DENND1A: variants seen among roughly 807,000 people sequenced by gnomAD.
The protein encoded by DENND1A is DENN domain containing 1A, also known as DENN domain-containing protein 1A.
Under a neutral mutation model 113.7 loss-of-function variants are expected in DENND1A, and 51 were observed. That is an observed-to-expected ratio of 0.45 (90% CI 0.36 to 0.57). The LOEUF (loss-of-function observed/expected upper bound fraction) is 0.57. Ranked by LOEUF, DENND1A falls within the 20% of genes least tolerant of loss-of-function variation. DENND1A has a pLI of 0.00. For missense variants in DENND1A, 1,258 were observed against 1,395.9 expected, an observed-to-expected ratio of 0.90 and a Z score of 1.57; for synonymous variants, 565 against 570.8, an observed-to-expected ratio of 0.99 and a Z score of 0.14.
chr9:123,916,944 C>T (rs982607503), intron 1 of DENND1A, among the ~76,000 whole-genome samples: 5 of 152,064 alleles, frequency 3.3e-5, no homozygotes, highest in South Asian at 4.1e-4. Context: ...AATCCCAGCA[C>T]TTTGGGAGGC....
chr9:123,503,190 G>A (rs1411111525), intron 13 of DENND1A, among the ~76,000 whole-genome samples: 1 of 152,192 alleles, frequency 6.6e-6, no homozygotes, highest in Non-Finnish European at 1.5e-5. Context: ...GGACTTAGGA[G>A]TTAGTCAGAT....
chr9:123,630,382 T>C lies in DENND1A; in HGVS notation c.713A>G (p.Tyr238Cys), dbSNP rs1041958656. Residue 238 changes from tyrosine (Y) to cysteine (C), a missense_variant, in exon 10 of 24, where the codon TAC (tyrosine) becomes TGC (cysteine). Coordinates refer to ENST00000394215, the MANE Select transcript of DENND1A (RefSeq NM_001352964.2). ...ACAGGGCCAGCCACCTTACCAGCAG[T>C]AGTCCAGCAGATGCGGCGGCAGCAC... Reference protein sequence around the residue: ...IPVLPPHLLDYCCAPMPYLIG... With the variant: ...IPVLPPHLLDCCCAPMPYLIG... The C allele has an allele frequency of 6.3e-7, 1 of 1,593,494 alleles. No individual in the cohort carries two copies. The highest frequency in any genetic ancestry group is 1.3e-5 in the African/African-American group (1 of 74,508).
At chr9:123,443,320 C>T (rs998243382) in intron 18 of DENND1A, among the ~76,000 whole-genome samples, 2 of 152,232 alleles carry the variant, frequency 1.3e-5, no homozygotes, top group African/African-American at 4.8e-5. Flanking sequence ...ATGCTTAGCA[C>T]TATCTTATTT....
In DENND1A at chr9:123,557,506, C is replaced by T. The variant is rs1196020238; in HGVS notation, c.993+64G>A. 5 of 1,584,996 alleles carry T rather than the reference C, an allele frequency of 3.2e-6. No individual in the cohort carries two copies. In the East Asian group the frequency reaches 6.8e-5, roughly 21 times the overall value. On this transcript the variant is annotated intron_variant, in intron 13 of 23. Transcript: ENST00000394215. Reference sequence around the variant, plus strand: ...AGAAGAATCATGGCATTTCTTGTGGCCCCTGAGGTATGCTTCTCAGCCCTG... The same window carrying T: ...AGAAGAATCATGGCATTTCTTGTGGTCCCTGAGGTATGCTTCTCAGCCCTG...
intron 13 of DENND1A, among the ~76,000 whole-genome samples, chr9:123,548,836 G>A (rs1298347855): frequency 3.3e-5 from 5 of 152,188 alleles, no homozygotes; most frequent in Admixed American, 6.5e-5. Flanking sequence ...GAATGATTCC[G>A]CTTCTATGAA....
At chr9:123,651,904 A>T in intron 9 of DENND1A, 109 bp downstream of exon 9, 1 of 809,528 alleles carries the variant, frequency 1.2e-6, no homozygotes, top group Non-Finnish European at 1.9e-6. Flanking sequence ...GCTGCCATAT[A>T]AGGGGACTGT....
rs1334883573 is a variant in DENND1A at position 123,676,845 on chromosome 9, C to A, written c.303-56G>T. 2.6e-6 allele frequency: 4 copies of A among 1,522,816 alleles called. No homozygotes were observed. The African/African-American group carries it at 4.1e-5, about 16-fold the overall frequency. 94.3% of individuals were successfully genotyped at this position (1,522,816 alleles called of 1,614,324 possible). A position where few individuals can be genotyped will look rare whatever the true frequency, so the allele number is the denominator to read the frequency against. On this transcript the variant is annotated intron_variant, in intron 5 of 23. Coordinates refer to ENST00000394215, the MANE Select transcript of DENND1A (RefSeq NM_001352964.2). ...TTAGTATGCAGGTCAAAAACTTTAA[C>A]CAGGATCTAATTCAAGACTGATACA...
At chr9:123,536,467 A>AC (rs200651702) in intron 13 of DENND1A, among the ~76,000 whole-genome samples, 90 of 89,600 alleles carry the variant, frequency 1.0e-3, no homozygotes, top group South Asian at 2.5e-3. Context: ...CTCTGTCTCC[A>AC]AAAAAAAAAA....
At chr9:123,525,335 G>A (rs1428699262) in intron 13 of DENND1A, among the ~76,000 whole-genome samples, 1 of 152,150 alleles carries the variant, frequency 6.6e-6, no homozygotes, top group African/African-American at 2.4e-5. Context: ...TCTTGTTGGG[G>A]GTAAGTGGGA....
chr9:123,739,760 G>A lies in DENND1A; in HGVS notation c.302+17943C>T, dbSNP rs1018216892. Among the ~76,000 whole-genome samples, 3 of 151,848 alleles carry A rather than the reference G, an allele frequency of 2.0e-5. No homozygotes were observed. The South Asian group carries it at 6.2e-4, about 32-fold the overall frequency. ...TTTAGAAAATGAGGTAGCATTAGGG[G>A]GAAAATCTTTAGAAAAAAAGATGAC... On this transcript the variant is annotated intron_variant, in intron 5 of 23. Transcript: ENST00000394215.
chr9:123,740,428 T>G (rs1467234052), intron 5 of DENND1A, among the ~76,000 whole-genome samples: 1 of 152,164 alleles, frequency 6.6e-6, no homozygotes, highest in African/African-American at 2.4e-5. Flanking sequence ...CCATTTAGAG[T>G]CTGGGACACT....
chr9:123,552,039 CAGAG>C lies in DENND1A; in HGVS notation c.993+5527_993+5530del, dbSNP rs58452320. ...AGAGCGAGAGAGAGAGAGAGAGAGA[CAGAG>C]AGAGAGAGAGAGAGAGAGAGAGAGA... On this transcript the variant is annotated intron_variant, in intron 13 of 23. Coordinates refer to ENST00000394215, the MANE Select transcript of DENND1A (RefSeq NM_001352964.2). Among the ~76,000 whole-genome samples, 839 of 128,360 alleles carry C rather than the reference CAGAG, an allele frequency of 6.5e-3. 8 individuals are homozygous for C. Among genetic ancestry groups the C allele is most frequent in the African/African-American group, 0.012 (377 of 32,528 alleles). The allele number at this position is 128,360 out of a possible 152,430, so 84.2% of individuals were successfully genotyped here. A position where few individuals can be genotyped will look rare whatever the true frequency, so the allele number is the denominator to read the frequency against.
At chr9:123,452,497 C>T (rs1220260542) in intron 16 of DENND1A, 150 bp from the exon 17 acceptor site, 1 of 676,356 alleles carries the variant, frequency 1.5e-6, no homozygotes, top group African/African-American at 1.8e-5. Context: ...CTGGTCCCTG[C>T]CAGTCAGTTA....
At chr9:123,687,876 G>A (rs2064912383) in intron 5 of DENND1A, among the ~76,000 whole-genome samples, 1 of 152,200 alleles carries the variant, frequency 6.6e-6, no homozygotes, top group Non-Finnish European at 1.5e-5. Context: ...GGGTCAGGCT[G>A]AGGGAAGCAA....
At chr9:123,417,891 G>A (rs989777811) in intron 19 of DENND1A, among the ~76,000 whole-genome samples, 47 of 152,076 alleles carry the variant, frequency 3.1e-4, no homozygotes, top group African/African-American at 1.1e-3. Flanking sequence ...AGATTGGGGG[G>A]GGGGCAGTGG....
At chr9:123,811,707 G>C (rs749701450) in intron 2 of DENND1A, among the ~76,000 whole-genome samples, 3 of 152,266 alleles carry the variant, frequency 2.0e-5, no homozygotes, top group East Asian at 3.9e-4. Context: ...TGCAGTGAGC[G>C]GAGATCGCAC....
chr9:123,611,148 T>C (rs549092932), intron 10 of DENND1A, among the ~76,000 whole-genome samples: 140 of 152,332 alleles, frequency 9.2e-4, no homozygotes, highest in African/African-American at 3.0e-3. Flanking sequence ...ATACACACAA[T>C]TGCAGTGAAA....
At chr9:123,498,368 C>T (rs2052137005) in intron 13 of DENND1A, among the ~76,000 whole-genome samples, 1 of 152,144 alleles carries the variant, frequency 6.6e-6, no homozygotes, top group African/African-American at 2.4e-5. Context: ...TCCAAGATCA[C>T]CAGCGTGCTG....
chr9:123,444,487 C>A (rs773064726), intron 18 of DENND1A, among the ~76,000 whole-genome samples: 10 of 152,128 alleles, frequency 6.6e-5, no homozygotes, highest in Non-Finnish European at 1.2e-4. Context: ...AACCCCGTCT[C>A]TACCAAAAAT....
Sources: gnomAD v4.1 joint callset for allele counts (sites outside exome capture counted in the v4.1 genomes callset) on GRCh38, gnomAD v4.1.1 for gene constraint, MANE v1.5 for transcripts, NCBI Gene and HGNC (gene_info 2026-07-23, HGNC 2026-07-21) for gene names.